Variants in MROH9 observed in about 807,000 individuals in gnomAD.
MROH9 encodes the protein maestro heat-like repeat-containing protein family member 9.
A neutral mutation model predicts 98.2 loss-of-function variants in MROH9; 92 were observed. The observed-to-expected ratio is 0.94, with a 90% confidence interval of 0.79 to 1.11. The LOEUF (loss-of-function observed/expected upper bound fraction) is 1.11. Ranked by LOEUF, MROH9 falls within the 50% of genes most tolerant of loss-of-function variation. MROH9 has a pLI of 0.00. For missense variants in MROH9, 1,057 were observed against 1,014.8 expected (o/e 1.04, Z -0.57); for synonymous variants, 397 against 368.9 (o/e 1.08, Z -0.87).
chr1:170,958,493 C>T lies in MROH9; in HGVS notation c.105C>T (p.Tyr35=). 2 of 1,593,636 alleles carry T rather than the reference C, an allele frequency of 1.3e-6. No homozygotes were observed. Among genetic ancestry groups the T allele is most frequent in the Non-Finnish European group, 1.7e-6 (2 of 1,165,870 alleles). The change falls in exon 4 of 22, where the codon TAC becomes TAT. Residue 35 remains tyrosine, a synonymous_variant. Coordinates refer to ENST00000367759, the MANE Select transcript of MROH9 (RefSeq NM_001163629.2). The part of the protein sequence containing the change: ...AHKVNSLLDA[Y]SGLLSNESMI... Reference sequence around the variant, plus strand: ...AAGTTAACAGCCTATTGGATGCATACTCAGGCCTGTTAAGTAATGAATCCA... The same window carrying T: ...AAGTTAACAGCCTATTGGATGCATATTCAGGCCTGTTAAGTAATGAATCCA...
At chr1:171,000,902 C>T (rs1053046949) in intron 15 of MROH9, among the ~76,000 whole-genome samples, 2 of 151,716 alleles carry the variant, frequency 1.3e-5, no homozygotes, top group Non-Finnish European at 2.9e-5. Flanking sequence ...TTTTAATTAC[C>T]GTTTCAATCT....
Position 170,945,553 on chromosome 1 carries a change from C to A in MROH9, c.-4C>A. The A allele has an allele frequency of 6.2e-7, 1 of 1,612,086 alleles. No individual in the cohort carries two copies. Among genetic ancestry groups the A allele is most frequent in the Non-Finnish European group, 8.5e-7 (1 of 1,178,830 alleles). ...GTAGAAGACTTTAATACACCTCTGTCAGCATGTTGACAAGGAATCCAAAAA... is the reference window on the plus strand; with the variant it reads ...GTAGAAGACTTTAATACACCTCTGTAAGCATGTTGACAAGGAATCCAAAAA... On this transcript the variant is annotated 5_prime_UTR_variant, in exon 2 of 22. Transcript: ENST00000367759.
At chr1:170,946,285 A>G (rs1338082424) in intron 2 of MROH9, among the ~76,000 whole-genome samples, 1 of 151,832 alleles carries the variant, frequency 6.6e-6, no homozygotes, top group Non-Finnish European at 1.5e-5. Context: ...TAATTATATG[A>G]AAAAAAATCA....
In MROH9 at chr1:171,029,908, G is replaced by A. The variant is rs573050231; in HGVS notation, c.2281+4488G>A. On this transcript the variant is annotated intron_variant, in intron 20 of 21. Coordinates refer to ENST00000367759, the MANE Select transcript of MROH9 (RefSeq NM_001163629.2). ...TTTGTGTTTCTGGTAGAATTCAACT[G>A]TGAGTCCATCTGTTCCTGGGCTTTT... is the stretch of plus-strand genomic sequence containing the variant. 1.1e-3 allele frequency among the ~76,000 whole-genome samples: 175 copies of A among 152,214 alleles called. 1 individual carries two copies. The South Asian group carries it at 0.013, about 12-fold the overall frequency.
chr1:171,000,164 T>A (rs1337055070), intron 15 of MROH9, among the ~76,000 whole-genome samples: 1 of 152,118 alleles, frequency 6.6e-6, no homozygotes, highest in African/African-American at 2.4e-5. Context: ...ATTCCTTTTG[T>A]CATGCAAAAG....
intron 1 of MROH9, among the ~76,000 whole-genome samples, chr1:170,942,383 AC>A (rs1430270479): frequency 3.7e-5 from 4 of 107,382 alleles, no homozygotes; most frequent in African/African-American, 5.8e-5. Context: ...ACACACACAC[AC>A]ACACACACAC....
At chr1:171,016,900 A>G (rs1013052419) in intron 17 of MROH9, among the ~76,000 whole-genome samples, 1 of 152,200 alleles carries the variant, frequency 6.6e-6, no homozygotes, top group African/African-American at 2.4e-5. Flanking sequence ...GTTTAATGAA[A>G]ACTTTGGTAT....
chr1:170,953,885 A>G (rs1179046196), intron 3 of MROH9, among the ~76,000 whole-genome samples: 2 of 117,194 alleles, frequency 1.7e-5, no homozygotes, highest in Non-Finnish European at 3.7e-5. Context: ...GAGAGAAAGA[A>G]AGAAAGAAAA....
At chr1:170,998,987 A>G (rs1238456762) in intron 15 of MROH9, among the ~76,000 whole-genome samples, 2 of 152,178 alleles carry the variant, frequency 1.3e-5, no homozygotes, top group Non-Finnish European at 1.5e-5. Context: ...AAAAGTATAC[A>G]TAAATTAATT....
intron 20 of MROH9, among the ~76,000 whole-genome samples, chr1:171,048,922 GGTATGTTTAGAAAT>G (rs1253848700): frequency 1.3e-5 from 2 of 152,112 alleles, no homozygotes; most frequent in African/African-American, 2.4e-5. Flanking sequence ...TTTGGCCCAG[GGTATGTTTAGAAAT>G]GTCGTCTGGG....
chr1:171,020,046 C>A (rs1332096438), intron 17 of MROH9, among the ~76,000 whole-genome samples: 1 of 152,146 alleles, frequency 6.6e-6, no homozygotes, highest in African/African-American at 2.4e-5. Context: ...GACGCATACA[C>A]CCTCCCAAGA....
chr1:170,970,702 CTGTG>C (rs3980698), intron 7 of MROH9, among the ~76,000 whole-genome samples: 29,269 of 117,766 alleles, frequency 0.25, 3,908 homozygotes, highest in Middle Eastern at 0.36. Context: ...TTAGGAATTT[CTGTG>C]TGTGTGTGTG....
chr1:170,971,819 C>T lies in MROH9; in HGVS notation c.552C>T (p.Pro184=). The T allele has an allele frequency of 6.2e-7, 1 of 1,614,046 alleles. No homozygotes were observed. Among genetic ancestry groups the T allele is most frequent in the Non-Finnish European group, 8.5e-7 (1 of 1,179,950 alleles). Residue 184 remains proline (P), a synonymous_variant, in exon 8 of 22, where the codon CCC becomes CCT. Coordinates refer to ENST00000367759, the MANE Select transcript of MROH9 (RefSeq NM_001163629.2). ...ELSLLCSHED[P]SIVKQASLGM... ...CTCTTTTGTGTTCCCATGAAGATCC[C>T]TCGATTGTAAAACAAGCATCATTGG...
chr1:170,961,008 C>T (rs57773970), intron 5 of MROH9, among the ~76,000 whole-genome samples: 1 of 152,108 alleles, frequency 6.6e-6, no homozygotes, highest in African/African-American at 2.4e-5. Context: ...ATGCTTGAGT[C>T]TTCTCCAACC....
At chr1:171,060,744 T>C (rs1653986525) in intron 20 of MROH9, among the ~76,000 whole-genome samples, 1 of 152,156 alleles carries the variant, frequency 6.6e-6, no homozygotes, top group Admixed American at 6.6e-5. Context: ...ATGGATGGTA[T>C]ATATAAGCAT....
intron 21 of MROH9, among the ~76,000 whole-genome samples, chr1:171,063,073 ATCTT>A (rs2101879445): frequency 6.6e-6 from 1 of 152,066 alleles, no homozygotes; most frequent in African/African-American, 2.4e-5. Context: ...AGAATTTTCC[ATCTT>A]TCTTTCTTAC....
At chr1:171,020,410 C>G (rs569964767) in intron 17 of MROH9, among the ~76,000 whole-genome samples, 2 of 152,156 alleles carry the variant, frequency 1.3e-5, no homozygotes, top group Non-Finnish European at 2.9e-5. Context: ...AAAAACTTAT[C>G]CACCATGATC....
In MROH9 at chr1:171,039,396, T is replaced by C. The variant is rs74123662; in HGVS notation, c.2281+13976T>C. Among the ~76,000 whole-genome samples, 141 of 152,330 alleles carry C rather than the reference T, an allele frequency of 9.3e-4. 2 individuals carry two copies. Among genetic ancestry groups the C allele is most frequent in the African/African-American group, 3.0e-3 (126 of 41,584 alleles). On this transcript the variant is annotated intron_variant, in intron 20 of 21. Coordinates refer to ENST00000367759, the MANE Select transcript of MROH9 (RefSeq NM_001163629.2). ...CATACGTAAACTAGGGCCAGCTCTTTTGCTGCTCTAGCATTCTCATCACAT... is the reference window on the plus strand; with the variant it reads ...CATACGTAAACTAGGGCCAGCTCTTCTGCTGCTCTAGCATTCTCATCACAT...
intron 8 of MROH9, among the ~76,000 whole-genome samples, chr1:170,977,636 C>T (rs1364497643): frequency 1.3e-5 from 2 of 152,144 alleles, no homozygotes; most frequent in Admixed American, 6.5e-5. Context: ...CTCAGTGCCC[C>T]GAAAGCATGG....
Sources: allele counts gnomAD v4.1 joint callset (sites outside exome capture counted in the v4.1 genomes callset), GRCh38; gene constraint gnomAD v4.1.1; transcripts MANE v1.5; gene names NCBI Gene and HGNC (gene_info 2026-07-23, HGNC 2026-07-21).